ZRANB2: variants seen among roughly 807,000 people sequenced by gnomAD.
The protein encoded by ZRANB2 is zinc finger Ran-binding domain-containing protein 2.
Under a neutral mutation model 53.4 loss-of-function variants are expected in ZRANB2, and 19 were observed. That is an observed-to-expected ratio of 0.36 (90% confidence interval 0.25 to 0.52). The LOEUF (loss-of-function observed/expected upper bound fraction) is 0.52, where lower values mean the gene tolerates loss of function less well. ZRANB2 is among the 20% of genes least tolerant of loss of function. The pLI, the probability that ZRANB2 is intolerant of heterozygous loss-of-function variation, is 0.93. For synonymous variants in ZRANB2, 145 were observed against 134.8 expected, an observed-to-expected ratio of 1.08 and a Z score of -0.52; for missense variants, 309 against 401.1, an observed-to-expected ratio of 0.77 and a Z score of 1.96.
intron 1 of ZRANB2, 123 bp from the exon 2 acceptor site, chr1:71,078,831 T>C (rs1661769272): frequency 4.9e-6 from 4 of 822,286 alleles, no homozygotes; most frequent in African/African-American, 3.5e-5. Flanking sequence ...TTAATGTCAA[T>C]GTTACCAACA....
intron 9 of ZRANB2, 28 bp downstream of exon 9, chr1:71,066,748 C>A: frequency 6.2e-7 from 1 of 1,603,748 alleles, no homozygotes; most frequent in Non-Finnish European, 8.5e-7. Flanking sequence ...TTAAGAACAC[C>A]CATTCTTATT....
rs141151036 is a variant in ZRANB2 at position 71,080,764 on chromosome 1, G to A, written c.56+176C>T. Among the ~76,000 whole-genome samples, 114 of 152,294 alleles carry A rather than the reference G, an allele frequency of 7.5e-4. 1 individual carries two copies. The highest frequency in any genetic ancestry group is 2.5e-3 in the African/African-American group (104 of 41,558). The stretch of plus-strand genomic sequence containing the variant: ...AGACATATCTAGAACAAAGGCTCCC[G>A]GAAAGACCTCTCTCGTGAGGAGATT... On this transcript the variant is annotated intron_variant, in intron 1 of 9. Coordinates refer to ENST00000370920, the MANE Select transcript of ZRANB2 (RefSeq NM_203350.3).
chr1:71,070,991 C>A lies in ZRANB2; in HGVS notation c.519G>T (p.Glu173Asp). Residue 173 changes from glutamate to aspartate, a missense_variant, in exon 7 of 10, where the codon GAG becomes GAT. Transcript: ENST00000370920. ...DLSKYKLDED[E>D]DEDDADLSKY... ...TTGAGAGATCAGCGTCATCTTCATC[C>A]TCATCCTAACAAAAATTCAATTATA... 2 of 1,556,324 alleles carry A rather than the reference C, an allele frequency of 1.3e-6. No homozygotes were observed. Among genetic ancestry groups the A allele is most frequent in the Admixed American group, 4.1e-5 (2 of 49,360 alleles).
chr1:71,074,126 T>C (rs556288505), intron 4 of ZRANB2, among the ~76,000 whole-genome samples: 1 of 152,300 alleles, frequency 6.6e-6, no homozygotes, highest in East Asian at 1.9e-4. Context: ...CATCTTTCAC[T>C]TCTTAGCTTA....
chr1:71,065,954 G>A, intron 9 of ZRANB2: 1 of 643,126 alleles, frequency 1.6e-6, no homozygotes, highest in Non-Finnish European at 2.5e-6. Context: ...TCCAAAATGT[G>A]AAGAAGCAAA....
chr1:71,067,087 T>C, intron 8 of ZRANB2, 153 bp from the exon 9 acceptor site: 1 of 625,180 alleles, frequency 1.6e-6, no homozygotes, highest in Non-Finnish European at 2.5e-6. Context: ...AACAGAAGAC[T>C]TCTGGATCAA....
At chr1:71,067,591 A>T (rs1661476713) in intron 8 of ZRANB2, 1 of 400,632 alleles carries the variant, frequency 2.5e-6, no homozygotes, top group South Asian at 1.9e-5. Flanking sequence ...TTAAATACAA[A>T]TTTTTTTTCT....
At chr1:71,077,233 A>G (rs74090253) in intron 3 of ZRANB2, among the ~76,000 whole-genome samples, 3,198 of 152,298 alleles carry the variant, frequency 0.021, 111 homozygotes, top group African/African-American at 0.072. Context: ...CATGACACTC[A>G]ACAGAAACGC....
intron 4 of ZRANB2, 86 bp downstream of exon 4, chr1:71,076,709 G>T: frequency 2.0e-6 from 2 of 990,258 alleles, no homozygotes; most frequent in Non-Finnish European, 3.1e-6. Context: ...ACTTACTGTG[G>T]CTCTTACTCG....
chr1:71,072,964 T>C (rs1164026214), intron 4 of ZRANB2, among the ~76,000 whole-genome samples: 2 of 152,116 alleles, frequency 1.3e-5, no homozygotes, highest in Non-Finnish European at 2.9e-5. Flanking sequence ...TCTTCTGATA[T>C]TCTGAAATTT....
intron 9 of ZRANB2, 36 bp downstream of exon 9, chr1:71,066,740 A>C: frequency 6.2e-7 from 1 of 1,603,376 alleles, no homozygotes; most frequent in Non-Finnish European, 8.5e-7. Flanking sequence ...AAACACACTT[A>C]AGAACACCCA....
In ZRANB2 at chr1:71,081,000, A is replaced by G; in HGVS notation, c.-5T>C. The G allele has an allele frequency of 6.2e-7, 1 of 1,614,128 alleles. No individual in the cohort carries two copies. The highest frequency in any genetic ancestry group is 1.1e-5 in the South Asian group (1 of 91,076). Reference sequence around the variant, plus strand: ...TCGGAAATTCTTGGTCGACATCTTGAACGCCACCAGCACAGCCACCCGCAG... The same window carrying G: ...TCGGAAATTCTTGGTCGACATCTTGGACGCCACCAGCACAGCCACCCGCAG... On this transcript the variant is annotated 5_prime_UTR_variant, in exon 1 of 10. Coordinates refer to ENST00000370920, the MANE Select transcript of ZRANB2 (RefSeq NM_203350.3).
At chr1:71,068,721 TTATTTTTC>T in intron 8 of ZRANB2, among the ~76,000 whole-genome samples, 1 of 152,274 alleles carries the variant, frequency 6.6e-6, no homozygotes, top group Admixed American at 6.5e-5. Context: ...TGAGGCAGGG[TTATTTTTC>T]TTCCTTTTAA....
intron 4 of ZRANB2, among the ~76,000 whole-genome samples, chr1:71,076,244 G>C (rs1292285140): frequency 6.6e-6 from 1 of 152,178 alleles, no homozygotes; most frequent in African/African-American, 2.4e-5. Flanking sequence ...CAAAGCCAAT[G>C]ATCAACTATT....
chr1:71,065,601 C>G, intron 9 of ZRANB2: 1 of 1,491,040 alleles, frequency 6.7e-7, no homozygotes, highest in Non-Finnish European at 8.9e-7. Context: ...TTTTGGAAAT[C>G]TAGGTCACAC....
chr1:71,076,471 A>G (rs1661712469), intron 4 of ZRANB2, among the ~76,000 whole-genome samples: 1 of 152,246 alleles, frequency 6.6e-6, no homozygotes, highest in Non-Finnish European at 1.5e-5. Flanking sequence ...CAGGCTATCA[A>G]AAGAATTTAA....
At chr1:71,069,575 CCCTAAAG>C (rs1661550949) in intron 7 of ZRANB2, 1 of 351,916 alleles carries the variant, frequency 2.8e-6, no homozygotes, top group Non-Finnish European at 5.2e-6. Context: ...GATTAAATTA[CCCTAAAG>C]CCACTCAACT....
At chr1:71,080,228 A>ACTAT (rs113918928) in intron 1 of ZRANB2, among the ~76,000 whole-genome samples, 103 of 152,184 alleles carry the variant, frequency 6.8e-4, no homozygotes, top group Non-Finnish European at 1.2e-3. Flanking sequence ...AATCTGATTA[A>ACTAT]CTATCTAGTC....
At chr1:71,069,231 A>T in intron 8 of ZRANB2, 45 bp downstream of exon 8, 1 of 1,497,868 alleles carries the variant, frequency 6.7e-7, no homozygotes, top group Non-Finnish European at 9.1e-7. Flanking sequence ...TGCAGCCTTT[A>T]AATATTTTTC....
Sources: gnomAD v4.1 joint callset for allele counts (sites outside exome capture counted in the v4.1 genomes callset) on GRCh38, gnomAD v4.1.1 for gene constraint, MANE v1.5 for transcripts, NCBI Gene and HGNC (gene_info 2026-07-23, HGNC 2026-07-21) for gene names.